MICAL2: variants seen among roughly 807,000 people sequenced by gnomAD.
MICAL2 encodes the protein microtubule associated monooxygenase, calponin and LIM domain containing 2.
In MICAL2, 77 loss-of-function variants were observed where a neutral mutation model predicts 127.3. The observed-to-expected ratio is 0.60, with a 90% CI of 0.50 to 0.73. The LOEUF is 0.73. Ranked by LOEUF, MICAL2 falls within the 30% of genes least tolerant of loss-of-function variation. MICAL2 has a pLI of 0.00. For missense variants in MICAL2, 1,351 were observed against 1,434.4 expected (o/e 0.94, Z 0.94); for synonymous variants, 570 against 551.1 (o/e 1.03, Z -0.48).
intron 2 of MICAL2, among the ~76,000 whole-genome samples, chr11:12,149,122 C>A (rs909638205): frequency 3.9e-5 from 6 of 152,112 alleles, no homozygotes; most frequent in Non-Finnish European, 8.8e-5. Flanking sequence ...ACAAGGTAAA[C>A]AGAGTCCAGA....
At chr11:12,216,711 C>G (rs530645241) in intron 8 of MICAL2, among the ~76,000 whole-genome samples, 1 of 152,240 alleles carries the variant, frequency 6.6e-6, no homozygotes, top group African/African-American at 2.4e-5. Flanking sequence ...TGCTGTGGAG[C>G]CTTGTCACAG....
rs1554968182 is a variant in MICAL2 at position 12,180,350 on chromosome 11, T to TATATA, written c.264+17931_264+17932insATATA. ...TTATATACATGTATATATGTATATATTTTTTTTTTGGCAGGAAGGTTTCCC... is the reference window on the plus strand; with the variant it reads ...TTATATACATGTATATATGTATATATATATATTTTTTTTTGGCAGGAAGGTTTCCC... On this transcript the variant is annotated intron_variant, in intron 3 of 27. Coordinates refer to ENST00000683283, the MANE Select transcript of MICAL2 (RefSeq NM_001282663.2). Among the ~76,000 whole-genome samples the TATATA allele has an allele frequency of 2.6e-3, 270 of 104,138 alleles. 2 individuals carry two copies. Among genetic ancestry groups the TATATA allele is most frequent in the South Asian group, 0.013 (28 of 2,208 alleles). 68.3% of individuals were successfully genotyped at this position (104,138 alleles called of 152,430 possible).
At chr11:12,352,552 A>G (rs1349945273) in intron 33 of MICAL2, among the ~76,000 whole-genome samples, 2 of 152,234 alleles carry the variant, frequency 1.3e-5, no homozygotes, top group African/African-American at 4.8e-5. Context: ...AAACTTTGAC[A>G]TGTGAACTAG....
At chr11:12,343,762 T>A (rs1589920529) in intron 32 of MICAL2, among the ~76,000 whole-genome samples, 1 of 152,168 alleles carries the variant, frequency 6.6e-6, no homozygotes, top group Non-Finnish European at 1.5e-5. Context: ...TGGCAGATGG[T>A]ATAATGTTAG....
chr11:12,196,354 C>T (rs1206072296), intron 3 of MICAL2, among the ~76,000 whole-genome samples: 2 of 152,036 alleles, frequency 1.3e-5, no homozygotes, highest in Non-Finnish European at 2.9e-5. Flanking sequence ...GTGAGTAATG[C>T]GTATTGAAGC....
At chr11:12,232,150 A>T (rs967769061) in intron 15 of MICAL2, among the ~76,000 whole-genome samples, 1 of 152,238 alleles carries the variant, frequency 6.6e-6, no homozygotes, top group Non-Finnish European at 1.5e-5. Flanking sequence ...TTTAGAAATG[A>T]TGATTAAATG....
intron 29 of MICAL2, among the ~76,000 whole-genome samples, chr11:12,308,567 C>T (rs541848893): frequency 6.6e-6 from 1 of 152,064 alleles, no homozygotes; most frequent in Admixed American, 6.5e-5. Context: ...TTAAATTGTT[C>T]CTCATTAATA....
chr11:12,140,718 G>A (rs753853493), intron 2 of MICAL2, among the ~76,000 whole-genome samples: 21 of 152,270 alleles, frequency 1.4e-4, no homozygotes, highest in Non-Finnish European at 2.5e-4. Context: ...GAGATGCTAC[G>A]TTAGACATTG....
intron 3 of MICAL2, among the ~76,000 whole-genome samples, chr11:12,194,543 A>G (rs1005492819): frequency 3.9e-5 from 6 of 152,174 alleles, no homozygotes; most frequent in African/African-American, 1.4e-4. Flanking sequence ...CCCCACATGT[A>G]GGTTACAACT....
rs1856832389 is a variant in MICAL2 at position 12,221,664 on chromosome 11, A to C, written c.1227A>C (p.Thr409=). 5.6e-6 allele frequency: 9 copies of C among 1,613,370 alleles called. No individual in the cohort carries two copies. The South Asian group carries it at 9.9e-5, about 18-fold the overall frequency. ...TGCAGCCATTTTGGCCCATGGGTACAGGCTGTGCCCGTGGCTTCCTGGCAG... is the reference window on the plus strand; with the variant it reads ...TGCAGCCATTTTGGCCCATGGGTACCGGCTGTGCCCGTGGCTTCCTGGCAG... ...SLLEPFWPMG[T]GCARGFLAAF... The change falls in exon 10 of 28, where the codon ACA becomes ACC. Residue 409 remains threonine (T), a synonymous_variant. Transcript: ENST00000683283.
chr11:12,351,075 C>A (rs1189201012), intron 33 of MICAL2, among the ~76,000 whole-genome samples: 1 of 152,116 alleles, frequency 6.6e-6, no homozygotes, highest in Non-Finnish European at 1.5e-5. Context: ...GGTTTAGGAC[C>A]CACTGAGATA....
downstream of MICAL2, among the ~76,000 whole-genome samples, chr11:12,361,877 G>A (rs113568724): frequency 3.3e-5 from 5 of 152,332 alleles, no homozygotes; most frequent in East Asian, 1.9e-4. Flanking sequence ...AGCCGGGGCC[G>A]CCACATGAAC....
intron 3 of MICAL2, among the ~76,000 whole-genome samples, chr11:12,186,800 A>C (rs1042655897): frequency 6.6e-6 from 1 of 152,176 alleles, no homozygotes; most frequent in African/African-American, 2.4e-5. Context: ...GACCCCAGAC[A>C]TCAGCGGCAG....
In MICAL2 at chr11:12,234,798, G is replaced by A. The variant is rs572418804; in HGVS notation, c.1996-1379G>A. On this transcript the variant is annotated intron_variant, in intron 15 of 27. Transcript: ENST00000683283. The stretch of plus-strand genomic sequence containing the variant: ...GATGCGTACTGGGTTGTGTGTTGGG[G>A]CACCCGTAGCTAGGGTTGTTGTTTC... 1.8e-3 allele frequency among the ~76,000 whole-genome samples: 279 copies of A among 152,272 alleles called. 2 individuals are homozygous for A. Among genetic ancestry groups the A allele is most frequent in the Middle Eastern group, 3.4e-3 (1 of 294 alleles).
intron 21 of MICAL2, among the ~76,000 whole-genome samples, chr11:12,248,164 G>T (rs950908857): frequency 6.6e-6 from 1 of 152,120 alleles, no homozygotes; most frequent in Non-Finnish European, 1.5e-5. Flanking sequence ...GACTCCACTT[G>T]CCCGCCCTCT....
intron 3 of MICAL2, among the ~76,000 whole-genome samples, chr11:12,182,528 A>G (rs1857604750): frequency 1.3e-5 from 2 of 152,194 alleles, no homozygotes; most frequent in East Asian, 1.9e-4. Flanking sequence ...AATTGTCAGA[A>G]ACGTAAATTC....
chr11:12,198,149 T>G (rs1860189793), intron 3 of MICAL2, among the ~76,000 whole-genome samples: 2 of 152,154 alleles, frequency 1.3e-5, no homozygotes, highest in Non-Finnish European at 2.9e-5. Context: ...ATTTTGAGCA[T>G]GTACCCTGGA....
upstream of MICAL2, among the ~76,000 whole-genome samples, chr11:12,275,258 G>C (rs1320172533): frequency 6.6e-6 from 1 of 152,218 alleles, no homozygotes; most frequent in African/African-American, 2.4e-5. Flanking sequence ...GTGTCTGTTA[G>C]ACACGTAGAC....
intron 25 of MICAL2, 188 bp from the exon 26 acceptor site, chr11:12,259,607 A>G (rs1258682186): frequency 8.2e-6 from 4 of 490,118 alleles, no homozygotes; most frequent in African/African-American, 5.9e-5. Flanking sequence ...CGTGACTCCT[A>G]TGGTCAGTTG....
Sources: gnomAD v4.1 joint callset for allele counts (sites outside exome capture counted in the v4.1 genomes callset) on GRCh38, gnomAD v4.1.1 for gene constraint, MANE v1.5 for transcripts, NCBI Gene and HGNC (gene_info 2026-07-23, HGNC 2026-07-21) for gene names.